The following CDYL2 variants were observed in gnomAD, a reference collection of about 807,000 sequenced individuals.
CDYL2 encodes the protein chromodomain Y-like protein 2.
Under a neutral mutation model 49.4 loss-of-function variants are expected in CDYL2, and 23 were observed. The observed-to-expected ratio is 0.47, with a 90% CI of 0.34 to 0.66. The LOEUF (loss-of-function observed/expected upper bound fraction) is 0.66. CDYL2 is among the 30% of genes least tolerant of loss of function. The pLI is 0.01. For synonymous variants in CDYL2, 360 were observed against 268.8 expected (o/e 1.34, Z -3.32); for missense variants, 678 against 656.4 (o/e 1.03, Z -0.36).
chr16:80,638,320 C>T (rs566598405), intron 2 of CDYL2, among the ~76,000 whole-genome samples: 1 of 152,264 alleles, frequency 6.6e-6, no homozygotes, highest in African/African-American at 2.4e-5. Flanking sequence ...AACAATCCTC[C>T]CACCTCAGGC....
chr16:80,710,218 T>C (rs139010673), intron 1 of CDYL2, among the ~76,000 whole-genome samples: 3 of 152,128 alleles, frequency 2.0e-5, no homozygotes. Flanking sequence ...TGAGCCACCA[T>C]GCCTGGCCTG....
chr16:80,700,101 C>T (rs750975330), intron 1 of CDYL2, among the ~76,000 whole-genome samples: 19 of 152,270 alleles, frequency 1.2e-4, no homozygotes, highest in Non-Finnish European at 2.5e-4. Flanking sequence ...CCTCATGATC[C>T]GCCCGCCTCG....
intron 1 of CDYL2, among the ~76,000 whole-genome samples, chr16:80,710,687 G>T (rs539659700): frequency 6.6e-6 from 1 of 152,262 alleles, no homozygotes; most frequent in East Asian, 1.9e-4. Context: ...CGATAGGATT[G>T]AAGGTGATCT....
At chr16:80,758,143 A>T (rs1159834975) in intron 1 of CDYL2, among the ~76,000 whole-genome samples, 1 of 152,202 alleles carries the variant, frequency 6.6e-6, no homozygotes, top group Non-Finnish European at 1.5e-5. Context: ...GGTAAATGTG[A>T]GATTTCATAT....
chr16:80,777,368 T>C (rs955400825), intron 1 of CDYL2, among the ~76,000 whole-genome samples: 2 of 151,966 alleles, frequency 1.3e-5, no homozygotes, highest in African/African-American at 4.8e-5. Context: ...GAATGAATGA[T>C]AAGTCAGAGA....
chr16:80,699,654 A>T (rs1207007665), intron 1 of CDYL2, among the ~76,000 whole-genome samples: 1 of 152,266 alleles, frequency 6.6e-6, no homozygotes, highest in Non-Finnish European at 1.5e-5. Flanking sequence ...TCAAATAACT[A>T]GAAAAGAGGA....
chr16:80,789,466 G>T (rs1245737644), intron 1 of CDYL2, among the ~76,000 whole-genome samples: 2 of 152,100 alleles, frequency 1.3e-5, no homozygotes, highest in Admixed American at 1.3e-4. Context: ...TGGGCATGGT[G>T]GTGGGCACCT....
intron 1 of CDYL2, among the ~76,000 whole-genome samples, chr16:80,764,833 G>A (rs1313573596): frequency 6.6e-6 from 1 of 151,956 alleles, no homozygotes; most frequent in African/African-American, 2.4e-5. Context: ...GGCCGAGGCA[G>A]GTGGATCACG....
chr16:80,741,506 A>T lies in CDYL2; in HGVS notation c.25-56377T>A, dbSNP rs775877843. Among the ~76,000 whole-genome samples the T allele has an allele frequency of 2.4e-4, 36 of 152,302 alleles. No individual in the cohort carries two copies. The Middle Eastern group carries it at 0.01, about 43-fold the overall frequency. ...ACATTATGGGGAAAATATTTGCAGC[A>T]TAGGTGGTAAAGTTATTTTTAATAC... On this transcript the variant is annotated intron_variant, in intron 1 of 6. Coordinates refer to ENST00000570137, the MANE Select transcript of CDYL2 (RefSeq NM_152342.4).
chr16:80,734,548 A>T lies in CDYL2; in HGVS notation c.25-49419T>A, dbSNP rs1416313461. ...AACTGGAGAGAAACTCAGAATAGGG[A>T]AGCAGGTTTGGGAAGGCAGCTAAGG... On this transcript the variant is annotated intron_variant, in intron 1 of 6. Coordinates refer to ENST00000570137, the MANE Select transcript of CDYL2 (RefSeq NM_152342.4). Among the ~76,000 whole-genome samples the T allele has an allele frequency of 2.0e-5, 3 of 152,130 alleles. No homozygotes were observed. The East Asian group carries it at 5.8e-4, about 29-fold the overall frequency.
intron 1 of CDYL2, among the ~76,000 whole-genome samples, chr16:80,753,476 C>G (rs563439395): frequency 6.6e-6 from 1 of 151,958 alleles, no homozygotes; most frequent in Non-Finnish European, 1.5e-5. Context: ...GGCGTGGTGG[C>G]GCATGCCTGT....
At chr16:80,677,654 G>T (rs1354887871) in intron 2 of CDYL2, among the ~76,000 whole-genome samples, 1 of 152,006 alleles carries the variant, frequency 6.6e-6, no homozygotes, top group African/African-American at 2.4e-5. Flanking sequence ...CAGGAGAATG[G>T]CGTGAACTCA....
In CDYL2 at chr16:80,751,665, T is replaced by C. The variant is rs189318653; in HGVS notation, c.24+52485A>G. Among the ~76,000 whole-genome samples, 29 of 152,314 alleles carry C rather than the reference T, an allele frequency of 1.9e-4. 2 individuals are homozygous for C. Among genetic ancestry groups the C allele is most frequent in the Middle Eastern group, 6.8e-3 (2 of 294 alleles). Reference sequence around the variant, plus strand: ...CAAAGAAGGATAATAGGCTCAAGTGTTGAGCAGAAAGAAGCAGGAGAGCTG... The same window carrying C: ...CAAAGAAGGATAATAGGCTCAAGTGCTGAGCAGAAAGAAGCAGGAGAGCTG... On this transcript the variant is annotated intron_variant, in intron 1 of 6. Coordinates refer to ENST00000570137, the MANE Select transcript of CDYL2 (RefSeq NM_152342.4).
chr16:80,754,442 G>T (rs1906240857), intron 1 of CDYL2, among the ~76,000 whole-genome samples: 1 of 152,186 alleles, frequency 6.6e-6, no homozygotes, highest in African/African-American at 2.4e-5. Flanking sequence ...TTACAAAACA[G>T]GAATTTCTGC....
chr16:80,700,457 G>C (rs1447065339), intron 1 of CDYL2, among the ~76,000 whole-genome samples: 1 of 152,088 alleles, frequency 6.6e-6, no homozygotes, highest in African/African-American at 2.4e-5. Flanking sequence ...GAATATGTAA[G>C]GAACTTCAAA....
At chr16:80,648,497 A>G (rs12716895) in intron 2 of CDYL2, among the ~76,000 whole-genome samples, 87,809 of 151,908 alleles carry the variant, frequency 0.58, 28,642 homozygotes, top group African/African-American at 0.89. Context: ...GCGATATCAC[A>G]GCCATAATAA....
chr16:80,804,600 G>C (rs1163495770), upstream of CDYL2, among the ~76,000 whole-genome samples: 1 of 144,236 alleles, frequency 6.9e-6, no homozygotes, highest in East Asian at 2.1e-4. Flanking sequence ...GCTGCCACTG[G>C]GCGAGTCCCC....
chr16:80,760,928 C>T (rs941536135), intron 1 of CDYL2, among the ~76,000 whole-genome samples: 1 of 152,026 alleles, frequency 6.6e-6, no homozygotes, highest in Non-Finnish European at 1.5e-5. Context: ...GCCGGTGCGT[C>T]TGTGGATTTA....
chr16:80,627,373 C>T (rs943757651), intron 3 of CDYL2, among the ~76,000 whole-genome samples: 2 of 151,956 alleles, frequency 1.3e-5, no homozygotes, highest in African/African-American at 4.8e-5. Context: ...CTGGCTAAGG[C>T]CATACTTACC....
Sources: gnomAD v4.1 joint callset for allele counts (sites outside exome capture counted in the v4.1 genomes callset) on GRCh38, gnomAD v4.1.1 for gene constraint, MANE v1.5 for transcripts, NCBI Gene and HGNC (gene_info 2026-07-23, HGNC 2026-07-21) for gene names.